The following MAMLD1 variants were observed in gnomAD, a reference collection of about 807,000 sequenced individuals.
MAMLD1 encodes the protein mastermind like domain containing 1.
Under a neutral mutation model 45.0 loss-of-function variants are expected in MAMLD1, and 14 were observed. That is an observed-to-expected ratio of 0.31 (90% confidence interval 0.21 to 0.49). MAMLD1 has a LOEUF of 0.49. Ranked by LOEUF, MAMLD1 falls within the 20% of genes least tolerant of loss-of-function variation. MAMLD1 has a pLI of 0.99. For missense variants in MAMLD1, 543 were observed against 603.6 expected, an observed-to-expected ratio of 0.90 and a Z score of 1.05; for synonymous variants, 254 against 247.8, an observed-to-expected ratio of 1.02 and a Z score of -0.24.
Position 150,470,515 on chromosome X carries a change from G to A in MAMLD1, c.942G>A (p.Lys314=), listed in dbSNP as rs782179029. ...AHQLKALAAS[K]QGSATKQQGP... ...AGCTGAAGGCGTTGGCAGCCAGCAA[G>A]CAGGGGTCTGCTACAAAGCAGCAAG... The change falls in exon 4 of 8, where the codon AAG becomes AAA. Residue 314 remains lysine (K), a synonymous_variant. Coordinates refer to ENST00000370401, the MANE Select transcript of MAMLD1 (RefSeq NM_005491.5). The A allele has an allele frequency of 1.2e-5, 15 of 1,209,986 alleles. No individual in the cohort carries two copies. The South Asian group carries it at 2.6e-4, about 21-fold the overall frequency.
At chrX:150,448,139 A>C (rs987628297) in intron 2 of MAMLD1, among the ~76,000 whole-genome samples, 14 of 112,136 alleles carry the variant, frequency 1.2e-4, no homozygotes, top group African/African-American at 4.5e-4. Flanking sequence ...GGCTCAGAAC[A>C]CCTGGGTTCT....
chrX:150,395,430 G>T lies in MAMLD1; in HGVS notation c.-64+31900G>T, dbSNP rs781936051. On this transcript the variant is annotated intron_variant, in intron 1 of 7. Coordinates refer to ENST00000370401, the MANE Select transcript of MAMLD1 (RefSeq NM_005491.5). ...GTCTTTGTCTGGTTTTTGTATTAGG[G>T]TGTTGCTGGCCTCATTAAATTGAGT... Among the ~76,000 whole-genome samples the T allele has an allele frequency of 1.6e-3, 173 of 111,236 alleles. 1 individual carries two copies. Among genetic ancestry groups the T allele is most frequent in the Non-Finnish European group, 2.8e-3 (146 of 52,980 alleles).
At chrX:150,368,228 C>T (rs1557400833) in intron 1 of MAMLD1, among the ~76,000 whole-genome samples, 1 of 110,773 alleles carries the variant, frequency 9.0e-6, no homozygotes, top group Non-Finnish European at 1.9e-5. Context: ...CCTGTTGTTT[C>T]CTGACTTTTT....
intron 1 of MAMLD1, among the ~76,000 whole-genome samples, chrX:150,432,124 G>A (rs1303354854): frequency 1.8e-5 from 2 of 110,970 alleles, no homozygotes; most frequent in Non-Finnish European, 3.8e-5. Context: ...TTAAATGTCT[G>A]GGGTGAGATG....
chrX:150,512,444 A>G lies in MAMLD1; in HGVS notation c.*485A>G, dbSNP rs1557409203. 8.7e-7 allele frequency: 1 copy of G among 1,155,995 alleles called. No individual in the cohort carries two copies. Among genetic ancestry groups the G allele is most frequent in the Admixed American group, 2.6e-5 (1 of 38,838 alleles). ...GGTCACAGCGGCAGCAGCTGTGACCACAGCAGTTTCGGGGAAAACACCCCT... is the reference window on the plus strand; with the variant it reads ...GGTCACAGCGGCAGCAGCTGTGACCGCAGCAGTTTCGGGGAAAACACCCCT... On this transcript the variant is annotated 3_prime_UTR_variant, in exon 8 of 8. Transcript: ENST00000370401.
At chrX:150,466,845 G>A (rs898594299) in intron 3 of MAMLD1, among the ~76,000 whole-genome samples, 2 of 111,694 alleles carry the variant, frequency 1.8e-5, no homozygotes, top group Non-Finnish European at 3.8e-5. Context: ...CTCCATCCCT[G>A]CACCTTACTC....
At chrX:150,481,122 T>C (rs1436763214) in intron 5 of MAMLD1, among the ~76,000 whole-genome samples, 2 of 112,994 alleles carry the variant, frequency 1.8e-5, no homozygotes, top group East Asian at 5.5e-4. Flanking sequence ...TGATTAATGA[T>C]CATTTATTTC....
At chrX:150,490,380 G>T (rs2037145420) in intron 5 of MAMLD1, among the ~76,000 whole-genome samples, 1 of 111,976 alleles carries the variant, frequency 8.9e-6, no homozygotes, top group Non-Finnish European at 1.9e-5. Context: ...CCTTTCCATT[G>T]TTTGTCAAAT....
At chrX:150,465,763 A>G (rs966709150) in intron 3 of MAMLD1, among the ~76,000 whole-genome samples, 1 of 112,371 alleles carries the variant, frequency 8.9e-6, no homozygotes, top group South Asian at 3.7e-4. Flanking sequence ...TCACAGGGAG[A>G]GGCCTGAAAG....
intron 4 of MAMLD1, among the ~76,000 whole-genome samples, chrX:150,472,025 C>T (rs1340160502): frequency 1.8e-5 from 2 of 112,112 alleles, no homozygotes; most frequent in African/African-American, 6.5e-5. Context: ...TAGTCACTCT[C>T]ATCATCTCCA....
At chrX:150,409,254 G>C in intron 1 of MAMLD1, among the ~76,000 whole-genome samples, 1 of 111,837 alleles carries the variant, frequency 8.9e-6, no homozygotes, top group South Asian at 3.8e-4. Flanking sequence ...CCTTTGCTGG[G>C]TAGTCAGCAT....
At position 150,470,790 on chromosome X, in the gene MAMLD1, C is replaced by A. The variant is rs782536618; in HGVS notation, c.1217C>A (p.Ala406Asp). Reference sequence around the variant, plus strand: ...GCCCTGGGGCCCGCCATGCCCTATGCTCCTGAGAAGCTCCCCAGCCCTGCT... The same window carrying A: ...GCCCTGGGGCCCGCCATGCCCTATGATCCTGAGAAGCTCCCCAGCCCTGCT... Reference protein sequence around the residue: ...NAALGPAMPYAPEKLPSPALT... With the variant: ...NAALGPAMPYDPEKLPSPALT... The change falls in exon 4 of 8, where the codon GCT becomes GAT. Residue 406 changes from alanine (A) to aspartate (D), a missense_variant. Transcript: ENST00000370401. The A allele has an allele frequency of 3.6e-5, 44 of 1,212,285 alleles. No homozygotes were observed. Among genetic ancestry groups the A allele is most frequent in the Non-Finnish European group, 4.7e-5 (42 of 895,654 alleles).
At chrX:150,455,661 G>C (rs782442077) in intron 2 of MAMLD1, among the ~76,000 whole-genome samples, 8 of 111,667 alleles carry the variant, frequency 7.2e-5, no homozygotes, top group African/African-American at 2.3e-4. Flanking sequence ...ACCAATTAGA[G>C]ACAAGGTTTA....
chrX:150,487,522 A>G (rs6627581), intron 5 of MAMLD1, among the ~76,000 whole-genome samples: 13,043 of 111,779 alleles, frequency 0.12, 728 homozygotes, highest in Middle Eastern at 0.18. Context: ...TTTCCCAAGG[A>G]CATCCAACAT....
intron 1 of MAMLD1, among the ~76,000 whole-genome samples, chrX:150,386,714 CTGCCTT>C (rs1569564469): frequency 9.0e-6 from 1 of 111,347 alleles, no homozygotes; most frequent in African/African-American, 3.3e-5. Context: ...TGAACCTGGA[CTGCCTT>C]TGCCCGAAAT....
chrX:150,430,698 A>G (rs1420172040), intron 1 of MAMLD1, among the ~76,000 whole-genome samples: 2 of 112,293 alleles, frequency 1.8e-5, no homozygotes, highest in East Asian at 5.6e-4. Context: ...TAGATATTCC[A>G]GAACCATGTG....
rs374392467 is a variant in MAMLD1 at position 150,470,905 on chromosome X, G to A, written c.1332G>A (p.Met444Ile). The A allele has an allele frequency of 4.1e-6, 5 of 1,209,862 alleles. No homozygotes were observed. Among genetic ancestry groups the A allele is most frequent in the Non-Finnish European group, 5.6e-6 (5 of 895,291 alleles). The stretch of plus-strand genomic sequence containing the variant: ...TCAAAACCCCTCAAGGACACCTGAT[G>A]TCTGCTCTGCCTGCCAGCAACCCTG... The part of the protein sequence containing the change: ...STIKTPQGHL[M>I]SALPASNPGP... Residue 444 changes from methionine to isoleucine, a missense_variant, in exon 4 of 8, where the codon ATG becomes ATA. Coordinates refer to ENST00000370401, the MANE Select transcript of MAMLD1 (RefSeq NM_005491.5).
Position 150,386,783 on chromosome X carries a change from C to T in MAMLD1, c.-64+23253C>T, listed in dbSNP as rs782443747. 4.3e-3 allele frequency among the ~76,000 whole-genome samples: 430 copies of T among 100,116 alleles called. 1 individual carries two copies. The highest frequency in any genetic ancestry group is 0.015 in the African/African-American group (397 of 26,597). The allele number at this position is 100,116 out of a possible 115,157, so 86.9% of individuals were successfully genotyped here. On this transcript the variant is annotated intron_variant, in intron 1 of 7. Coordinates refer to ENST00000370401, the MANE Select transcript of MAMLD1 (RefSeq NM_005491.5). ...TTAAATCCTGGTGCTCGCTTCTCTT[C>T]CTTACTACTAAATGTCCTTTATGAC...
At chrX:150,421,821 A>T (rs782085373) in intron 1 of MAMLD1, among the ~76,000 whole-genome samples, 23 of 112,093 alleles carry the variant, frequency 2.1e-4, no homozygotes, top group East Asian at 1.7e-3. Flanking sequence ...GGGAAGAGGG[A>T]TGTCTCACTA....
Sources: allele counts gnomAD v4.1 joint callset (sites outside exome capture counted in the v4.1 genomes callset), GRCh38; gene constraint gnomAD v4.1.1; transcripts MANE v1.5; gene names NCBI Gene and HGNC (gene_info 2026-07-23, HGNC 2026-07-21).